PATJ: variants seen among roughly 807,000 people sequenced by gnomAD.
The protein encoded by PATJ is PATJ crumbs cell polarity complex component, also known as inaD-like protein.
PATJ carries 190 observed loss-of-function variants against 224.9 expected under a neutral mutation model. That is an observed-to-expected ratio of 0.84 (90% CI 0.75 to 0.95). The LOEUF (loss-of-function observed/expected upper bound fraction) is 0.95, where lower values mean the gene tolerates loss of function less well. PATJ is among the 40% of genes least tolerant of loss of function. PATJ has a pLI of 0.00. For missense variants in PATJ, 2,121 were observed against 2,270.3 expected (o/e 0.93, Z 1.34); for synonymous variants, 769 against 820.3 (o/e 0.94, Z 1.07).
At chr1:62,003,824 C>T (rs1009144043) in intron 28 of PATJ, among the ~76,000 whole-genome samples, 1 of 152,336 alleles carries the variant, frequency 6.6e-6, no homozygotes, top group Non-Finnish European at 1.5e-5. Flanking sequence ...TGGGCATCTT[C>T]TTCATGGGGG....
chr1:61,780,876 C>T (rs2148440813), intron 7 of PATJ, among the ~76,000 whole-genome samples: 1 of 152,270 alleles, frequency 6.6e-6, no homozygotes, highest in South Asian at 2.1e-4. Context: ...CTGATTTTCG[C>T]CCTTTACTGG....
chr1:62,084,524 A>G lies in PATJ; in HGVS notation c.4253A>G (p.Gln1418Arg). Reference protein sequence around the residue: ...DADFTGYGGFQAPLSVDPATC... With the variant: ...DADFTGYGGFRAPLSVDPATC... The stretch of plus-strand genomic sequence containing the variant: ...TTCAATTCTTTTCCAGGTGGTTTCC[A>G]GGCTCCTCTGTCAGTGGACCCCGCA... The change falls in exon 33 of 44, where the codon CAG becomes CGG. Residue 1418 changes from glutamine (Q) to arginine (R), a missense_variant. By Grantham distance (43) the Gln-to-Arg change is conservative (BLOSUM62 1). Transcript: ENST00000642238. The G allele has an allele frequency of 6.2e-7, 1 of 1,608,680 alleles. No individual in the cohort carries two copies. The highest frequency in any genetic ancestry group is 8.5e-7 in the Non-Finnish European group (1 of 1,178,362).
chr1:61,975,197 T>G (rs1254216852), intron 27 of PATJ, among the ~76,000 whole-genome samples: 5 of 152,052 alleles, frequency 3.3e-5, no homozygotes, highest in Non-Finnish European at 7.4e-5. Flanking sequence ...TCTTCCTGCC[T>G]CAGCCTTCCA....
intron 1 of PATJ, among the ~76,000 whole-genome samples, chr1:61,744,726 C>A (rs555843412): frequency 4.9e-4 from 74 of 152,284 alleles, no homozygotes; most frequent in African/African-American, 1.7e-3. Context: ...AGCTGAGCAT[C>A]TAACAGTTCG....
intron 29 of PATJ, among the ~76,000 whole-genome samples, chr1:62,027,355 C>T (rs1456458561): frequency 6.6e-6 from 1 of 152,114 alleles, no homozygotes; most frequent in Non-Finnish European, 1.5e-5. Flanking sequence ...TTTGTTTATC[C>T]ACGCATCCAT....
In PATJ at chr1:62,106,063, A is replaced by AAAAAAAT. The variant is rs34767684; in HGVS notation, c.4378-2373_4378-2372insAAAAATA. Reference sequence around the variant, plus strand: ...CTCCTCTTAAAAAAAAAAAAAAAAAAATATATATATATATATACACACACA... The same window carrying AAAAAAAT: ...CTCCTCTTAAAAAAAAAAAAAAAAAAAAAAAATATATATATATATATATACACACACA... On this transcript the variant is annotated intron_variant, in intron 33 of 43. Coordinates refer to ENST00000642238, the MANE Select transcript of PATJ (RefSeq NM_001350145.3). Among the ~76,000 whole-genome samples, 43 of 39,660 alleles carry AAAAAAAT rather than the reference A, an allele frequency of 1.1e-3. 5 individuals are homozygous for AAAAAAAT. Among genetic ancestry groups the AAAAAAAT allele is most frequent in the African/African-American group, 3.9e-3 (40 of 10,154 alleles). 26.0% of individuals were successfully genotyped at this position (39,660 alleles called of 152,430 possible). A position where few individuals can be genotyped will look rare whatever the true frequency, so the allele number is the denominator to read the frequency against.
chr1:61,938,179 T>C (rs185454615), intron 27 of PATJ, among the ~76,000 whole-genome samples: 1 of 152,308 alleles, frequency 6.6e-6, no homozygotes, highest in African/African-American at 2.4e-5. Context: ...ACCACAGTTA[T>C]AACAACCAAA....
intron 41 of PATJ, among the ~76,000 whole-genome samples, chr1:62,134,093 A>G (rs1311705449): frequency 6.6e-6 from 1 of 151,718 alleles, no homozygotes; most frequent in Non-Finnish European, 1.5e-5. Flanking sequence ...TGATGCTGCT[A>G]ATTCAGATCC....
chr1:61,777,289 G>T (rs1057065159), intron 7 of PATJ, among the ~76,000 whole-genome samples: 1 of 152,084 alleles, frequency 6.6e-6, no homozygotes, highest in South Asian at 2.1e-4. Flanking sequence ...CTAAGGCTGG[G>T]CGTGGTGGCT....
At chr1:62,005,417 G>GTTTTTTTTTTTTTTTTTTT (rs533186698) in intron 28 of PATJ, among the ~76,000 whole-genome samples, 1 of 116,312 alleles carries the variant, frequency 8.6e-6, no homozygotes. Context: ...ATATGATGTG[G>GTTTTTTTTTTTTTTTTTTT]TTTTTTTTTT....
intron 20 of PATJ, among the ~76,000 whole-genome samples, chr1:61,871,444 C>CATATATATGT (rs1259803035): frequency 2.0e-3 from 22 of 11,162 alleles, no homozygotes; most frequent in African/African-American, 3.4e-3. Context: ...TGTGTATATA[C>CATATATATGT]ACATATATAT....
rs377479186 is a variant in PATJ at position 62,121,249 on chromosome 1, C to G, written c.4959C>G (p.Asn1653Lys). ...CTCCTGTCATCACTGGCCTGCAAAA[C>G]CTGGTTGGCACAAAAAGAGTTTCAG... ...SFAPVITGLQ[N>K]LVGTKRVSDP... Residue 1653 changes from asparagine to lysine, a missense_variant, in exon 38 of 44, where the codon AAC becomes AAG. Coordinates refer to ENST00000642238, the MANE Select transcript of PATJ (RefSeq NM_001350145.3). 3 of 1,613,720 alleles carry G rather than the reference C, an allele frequency of 1.9e-6. No individual in the cohort carries two copies. Among genetic ancestry groups the G allele is most frequent in the African/African-American group, 2.7e-5 (2 of 74,838 alleles).
At chr1:61,926,353 A>G (rs1433149681) in intron 26 of PATJ, among the ~76,000 whole-genome samples, 1 of 152,194 alleles carries the variant, frequency 6.6e-6, no homozygotes, top group Non-Finnish European at 1.5e-5. Flanking sequence ...ATATCAGTAG[A>G]AGCTAAATAA....
rs563449812 is a variant in PATJ at position 62,117,483 on chromosome 1, G to T, written c.4890+265G>T. 8 of 1,111,884 alleles carry T rather than the reference G, an allele frequency of 7.2e-6. No individual in the cohort carries two copies. The East Asian group carries it at 2.0e-4, about 28-fold the overall frequency. The allele number at this position is 1,111,884 out of a possible 1,614,324, so 68.9% of individuals were successfully genotyped here. ...TATTAGTTCTATATTGCCTATGCAC[G>T]CATGTACACAGCTGTGTTTATTTAA... is the stretch of plus-strand genomic sequence containing the variant. On this transcript the variant is annotated intron_variant, in intron 37 of 43. Transcript: ENST00000642238.
At chr1:61,795,597 G>T in intron 10 of PATJ, 39 bp downstream of exon 10, 3 of 1,214,342 alleles carry the variant, frequency 2.5e-6, no homozygotes, top group Non-Finnish European at 3.6e-6. Context: ...GATTCTAGTT[G>T]AAAAAAAGGT....
At chr1:61,894,403 A>C (rs1399451694) in intron 22 of PATJ, among the ~76,000 whole-genome samples, 1 of 152,104 alleles carries the variant, frequency 6.6e-6, no homozygotes, top group Non-Finnish European at 1.5e-5. Flanking sequence ...TCTCATCTCA[A>C]ATTGTAATCC....
chr1:62,037,647 C>T (rs1235660846), intron 29 of PATJ, among the ~76,000 whole-genome samples: 1 of 152,162 alleles, frequency 6.6e-6, no homozygotes, highest in Non-Finnish European at 1.5e-5. Context: ...AAAATTTATA[C>T]TCTGCAGTGC....
Position 62,144,775 on chromosome 1 carries a change from A to ATATAT in PATJ, c.5272-3509_5272-3508insTATAT, listed in dbSNP as rs1218856613. ...TCTAGAATGTTATTTGCAAAAAAAA[A>ATATAT]AAATATATATATATATATATAATTA... On this transcript the variant is annotated intron_variant, in intron 41 of 43. Coordinates refer to ENST00000642238, the MANE Select transcript of PATJ (RefSeq NM_001350145.3). Among the ~76,000 whole-genome samples, 398 of 90,848 alleles carry ATATAT rather than the reference A, an allele frequency of 4.4e-3. 5 individuals carry two copies. Among genetic ancestry groups the ATATAT allele is most frequent in the Non-Finnish European group, 5.9e-3 (241 of 40,988 alleles). 59.6% of individuals were successfully genotyped at this position (90,848 alleles called of 152,430 possible). A position where few individuals can be genotyped will look rare whatever the true frequency, so the allele number is the denominator to read the frequency against.
At chr1:61,994,401 T>C (rs1339969059) in intron 28 of PATJ, among the ~76,000 whole-genome samples, 3 of 152,236 alleles carry the variant, frequency 2.0e-5, no homozygotes, top group Non-Finnish European at 4.4e-5. Flanking sequence ...ATAATTTTTT[T>C]TCAGCGTTGT....
Sources: gnomAD v4.1 joint callset for allele counts (sites outside exome capture counted in the v4.1 genomes callset) on GRCh38, gnomAD v4.1.1 for gene constraint, MANE v1.5 for transcripts, NCBI Gene and HGNC (gene_info 2026-07-23, HGNC 2026-07-21) for gene names.